Variants in CARMIL1 observed in about 807,000 individuals in gnomAD.
CARMIL1 encodes capping protein regulator and myosin 1 linker 1.
A neutral mutation model predicts 177.1 loss-of-function variants in CARMIL1; 90 were observed. The ratio of observed to expected loss-of-function variants is 0.51; its 90% CI spans 0.43 to 0.61. CARMIL1 has a LOEUF of 0.61. Ranked by LOEUF, CARMIL1 falls within the 20% of genes least tolerant of loss-of-function variation. The pLI, the probability that CARMIL1 is intolerant of heterozygous loss-of-function variation, is 0.00. For synonymous variants in CARMIL1, 577 were observed against 606.2 expected (o/e 0.95, Z 0.71); for missense variants, 1,380 against 1,667.0 (o/e 0.83, Z 3.00).
At chr6:25,423,610 C>G (rs1015720610) in intron 3 of CARMIL1, among the ~76,000 whole-genome samples, 2 of 152,162 alleles carry the variant, frequency 1.3e-5, no homozygotes, top group Non-Finnish European at 2.9e-5. Flanking sequence ...GGAGCTGAAG[C>G]ATAGACTGCT....
chr6:25,335,880 G>A (rs550334417), intron 2 of CARMIL1, among the ~76,000 whole-genome samples: 7 of 150,762 alleles, frequency 4.6e-5, no homozygotes, highest in African/African-American at 1.2e-4. Flanking sequence ...GGAATTGTAC[G>A]TGTCTTTTAT....
chr6:25,495,133 T>G lies in CARMIL1; in HGVS notation c.1243T>G (p.Ser415Ala), dbSNP rs761805284. The G allele has an allele frequency of 1.1e-5, 18 of 1,612,772 alleles. No homozygotes were observed. The highest frequency in any genetic ancestry group is 1.4e-5 in the Non-Finnish European group (17 of 1,179,226). The change falls in exon 16 of 37, where the codon TCT becomes GCT. Residue 415 changes from serine to alanine, a missense_variant. Transcript: ENST00000329474. ...CAGGAAAGGAAAAGAAGTACCTCCA[T>G]CTTTCAAGCAATTTTTTAGTAGTTC... ...SHRKGKEVPP[S>A]FKQFFSSSLA...
rs188245169 is a variant in CARMIL1, at chr6:25,392,262, A to C, written c.139-27852A>C. Among the ~76,000 whole-genome samples the C allele has an allele frequency of 5.9e-5, 9 of 152,266 alleles. No individual in the cohort carries two copies. The East Asian group carries it at 1.7e-3, about 29-fold the overall frequency. On this transcript the variant is annotated intron_variant, in intron 2 of 36. Transcript: ENST00000329474. ...ATCTAGCTTAACCTTGTATGTATGT[A>C]TAATACTCCTGACAAAGTTTTTGAT...
At chr6:25,401,959 A>G (rs558662755) in intron 2 of CARMIL1, among the ~76,000 whole-genome samples, 1 of 150,526 alleles carries the variant, frequency 6.6e-6, no homozygotes, top group South Asian at 2.1e-4. Context: ...CTCTCAGCCT[A>G]CTGAATTTGA....
At chr6:25,517,161 G>T (rs990701241) in intron 21 of CARMIL1, among the ~76,000 whole-genome samples, 186 bp from the exon 22 acceptor site, 73 of 152,156 alleles carry the variant, frequency 4.8e-4, no homozygotes, top group African/African-American at 1.6e-3. Context: ...AATGTGTTAC[G>T]AATATAATAT....
Position 25,539,892 on chromosome 6 carries a change from TTTGA to T in CARMIL1, c.2197-50_2197-47del. 8 of 1,359,392 alleles carry T rather than the reference TTTGA, an allele frequency of 5.9e-6. No homozygotes were observed. The South Asian group carries it at 1.2e-4, about 21-fold the overall frequency. 84.2% of individuals were successfully genotyped at this position (1,359,392 alleles called of 1,614,324 possible). A position where few individuals can be genotyped will look rare whatever the true frequency, so the allele number is the denominator to read the frequency against. On this transcript the variant is annotated intron_variant, in intron 25 of 36. Coordinates refer to ENST00000329474, the MANE Select transcript of CARMIL1 (RefSeq NM_017640.6). ...CCCTTCTCATTCACTCTGCAATGAC[TTTGA>T]TTGAAATATTTACCCAATTCTAAAG... is the stretch of plus-strand genomic sequence containing the variant.
intron 1 of CARMIL1, among the ~76,000 whole-genome samples, chr6:25,281,136 G>GCGCGCACACACACACACA (rs10642536): frequency 6.5e-4 from 86 of 132,180 alleles, no homozygotes; most frequent in South Asian, 1.4e-3. Flanking sequence ...GTGCGCGCGC[G>GCGCGCACACACACACACA]CACACACACA....
At chr6:25,610,528 T>C (rs1816420600) in intron 36 of CARMIL1, among the ~76,000 whole-genome samples, 2 of 152,106 alleles carry the variant, frequency 1.3e-5, no homozygotes, top group African/African-American at 2.4e-5. Flanking sequence ...GATTTCTGAG[T>C]CCTATTATTT....
At chr6:25,547,214 A>G (rs1419431630) in intron 26 of CARMIL1, among the ~76,000 whole-genome samples, 2 of 152,192 alleles carry the variant, frequency 1.3e-5, no homozygotes, top group East Asian at 3.8e-4. Flanking sequence ...GTGGGTAGGA[A>G]AAGTTATTGT....
At chr6:25,321,459 T>C (rs1784665635) in intron 2 of CARMIL1, among the ~76,000 whole-genome samples, 1 of 152,120 alleles carries the variant, frequency 6.6e-6, no homozygotes, top group African/African-American at 2.4e-5. Context: ...GCATTAATGG[T>C]GAATGCATAC....
intron 2 of CARMIL1, among the ~76,000 whole-genome samples, chr6:25,410,609 A>G (rs1268253807): frequency 6.6e-6 from 1 of 150,498 alleles, no homozygotes; most frequent in Non-Finnish European, 1.5e-5. Context: ...CCAGGAGGGG[A>G]CTTTTGCGCC....
chr6:25,521,890 T>C (rs1160292764), intron 23 of CARMIL1, among the ~76,000 whole-genome samples: 1 of 152,150 alleles, frequency 6.6e-6, no homozygotes, highest in Non-Finnish European at 1.5e-5. Flanking sequence ...AGTTTAGAGC[T>C]GTAGGGATTT....
intron 2 of CARMIL1, among the ~76,000 whole-genome samples, chr6:25,410,603 G>GAC (rs10639167): frequency 0.6 from 91,355 of 151,718 alleles, 28,049 homozygotes; most frequent in African/African-American, 0.69. Context: ...CCAGGCCCAG[G>GAC]AGGGGACTTT....
At chr6:25,488,688 T>C in intron 13 of CARMIL1, 103 bp downstream of exon 13, 1 of 898,188 alleles carries the variant, frequency 1.1e-6, no homozygotes. Flanking sequence ...CCTCTCTCTT[T>C]GTCATGACAC....
chr6:25,380,265 G>A (rs1407149586), intron 2 of CARMIL1, among the ~76,000 whole-genome samples: 1 of 152,152 alleles, frequency 6.6e-6, no homozygotes, highest in African/African-American at 2.4e-5. Flanking sequence ...ATACTCTAAA[G>A]CAGAAGTCAC....
intron 31 of CARMIL1, among the ~76,000 whole-genome samples, chr6:25,589,324 A>G (rs766534835): frequency 1.3e-5 from 2 of 152,236 alleles, no homozygotes; most frequent in Non-Finnish European, 2.9e-5. Context: ...AGACTTAACA[A>G]TATTTGTGGG....
intron 2 of CARMIL1, chr6:25,350,958 G>A (rs945644988): frequency 2.6e-5 from 4 of 152,138 alleles, no homozygotes; most frequent in Non-Finnish European, 4.4e-5. Flanking sequence ...TTCATTGGAT[G>A]GTATCCCTGT....
intron 36 of CARMIL1, among the ~76,000 whole-genome samples, chr6:25,611,911 C>T (rs558929833): frequency 4.1e-4 from 63 of 152,234 alleles, no homozygotes; most frequent in Admixed American, 2.4e-3. Flanking sequence ...TGTTCTTTCC[C>T]CTGGAAGTTA....
In CARMIL1 at chr6:25,501,767, T is replaced by A. The variant is rs115404817; in HGVS notation, c.1395+1532T>A. 2.1e-3 allele frequency among the ~76,000 whole-genome samples: 320 copies of A among 152,206 alleles called. 1 individual carries two copies. Among genetic ancestry groups the A allele is most frequent in the African/African-American group, 7.5e-3 (313 of 41,526 alleles). On this transcript the variant is annotated intron_variant, in intron 17 of 36. Transcript: ENST00000329474. Reference sequence around the variant, plus strand: ...TACTATATTTTGTATTTCCCCTATCTCCTAGCAAAATGCCAGGCACCAAGC... The same window carrying A: ...TACTATATTTTGTATTTCCCCTATCACCTAGCAAAATGCCAGGCACCAAGC...
Sources: allele counts gnomAD v4.1 joint callset (sites outside exome capture counted in the v4.1 genomes callset), GRCh38; gene constraint gnomAD v4.1.1; transcripts MANE v1.5; gene names NCBI Gene and HGNC (gene_info 2026-07-23, HGNC 2026-07-21).